HDAC8: variants seen among roughly 807,000 people sequenced by gnomAD.
HDAC8 encodes the protein histone deacetylase-like 1.
In HDAC8, 1 loss-of-function variant was observed where a neutral mutation model predicts 32.2. The ratio of observed to expected loss-of-function variants is 0.03; its 90% CI spans 0.01 to 0.15. The LOEUF (loss-of-function observed/expected upper bound fraction) is 0.15. HDAC8 is among the 10% of genes least tolerant of loss of function. The pLI is 1.00. For synonymous variants in HDAC8, 108 were observed against 113.9 expected (o/e 0.95, Z 0.33); for missense variants, 117 against 300.0 (o/e 0.39, Z 4.51).
At chrX:72,519,603 T>G (rs1260949478) in intron 4 of HDAC8, among the ~76,000 whole-genome samples, 1 of 111,847 alleles carries the variant, frequency 8.9e-6, no homozygotes, top group Admixed American at 9.5e-5. Flanking sequence ...AAATTTTCTT[T>G]TTTTGAGATA....
chrX:72,488,833 T>C, intron 7 of HDAC8, 100 bp downstream of exon 7: 3 of 484,175 alleles, frequency 6.2e-6, no homozygotes, highest in Non-Finnish European at 1.0e-5. Context: ...TATATAGATG[T>C]TTTCTTTTTT....
chrX:72,516,967 G>A (rs1161130448), intron 4 of HDAC8, among the ~76,000 whole-genome samples: 3 of 111,939 alleles, frequency 2.7e-5, no homozygotes, highest in Admixed American at 9.5e-5. Flanking sequence ...GGATAATGGC[G>A]TGCATTTGCA....
At chrX:72,529,866 G>A (rs1272026853) in intron 4 of HDAC8, among the ~76,000 whole-genome samples, 3 of 111,200 alleles carry the variant, frequency 2.7e-5, no homozygotes, top group African/African-American at 9.8e-5. Context: ...CCCCCTTGCT[G>A]TTCCCATGAT....
At chrX:72,521,956 C>T (rs981043449) in intron 4 of HDAC8, among the ~76,000 whole-genome samples, 2 of 111,517 alleles carry the variant, frequency 1.8e-5, no homozygotes, top group Non-Finnish European at 3.8e-5. Context: ...TGGCTTGCCA[C>T]GGCCTTCCCA....
At chrX:72,339,662 C>T (rs2043837143) in intron 10 of HDAC8, among the ~76,000 whole-genome samples, 1 of 111,853 alleles carries the variant, frequency 8.9e-6, no homozygotes. Context: ...ATCTGAGAGG[C>T]CATGGGGAGC....
chrX:72,402,638 G>C (rs1555967754), intron 9 of HDAC8, among the ~76,000 whole-genome samples: 5 of 110,569 alleles, frequency 4.5e-5, no homozygotes, highest in Non-Finnish European at 9.5e-5. Context: ...TTTATTTTCT[G>C]CATATTTGTG....
chrX:72,481,784 A>G (rs1260209140), intron 7 of HDAC8, among the ~76,000 whole-genome samples: 1 of 108,766 alleles, frequency 9.2e-6, no homozygotes, highest in Non-Finnish European at 1.9e-5. Flanking sequence ...TAATTTTTGT[A>G]CTTTTAGTAG....
In HDAC8 at chrX:72,329,969, A is replaced by AATTCC; in HGVS notation, c.*80_*84dup. ...CTTTCAAATTTTCCCTGCAGTCACA[A>AATTCC]ATTCCACAAACTGCTTGCATAAACA... On this transcript the variant is annotated 3_prime_UTR_variant, in exon 11 of 11. Transcript: ENST00000373573. 1 of 987,838 alleles carries AATTCC rather than the reference A, an allele frequency of 1.0e-6. No homozygotes were observed. Among genetic ancestry groups the AATTCC allele is most frequent in the East Asian group, 3.1e-5 (1 of 32,625 alleles). 81.4% of individuals were successfully genotyped at this position (987,838 alleles called of 1,213,427 possible). A position where few individuals can be genotyped will look rare whatever the true frequency, so the allele number is the denominator to read the frequency against.
chrX:72,409,759 T>A lies in HDAC8; in HGVS notation c.1005+52245A>T, dbSNP rs782289033. Among the ~76,000 whole-genome samples, 5 of 112,153 alleles carry A rather than the reference T, an allele frequency of 4.5e-5. No homozygotes were observed. The South Asian group carries it at 1.9e-3, about 42-fold the overall frequency. On this transcript the variant is annotated intron_variant, in intron 9 of 10. Transcript: ENST00000373573. The stretch of plus-strand genomic sequence containing the variant: ...CTTTCTATGTGTACCTCCAGCATTC[T>A]GTAAGTGTACAGTCCCTGTAACACT...
At chrX:72,453,464 T>TAAAGAAAGAAAGAAAG (rs61443640) in intron 9 of HDAC8, among the ~76,000 whole-genome samples, 3,683 of 67,199 alleles carry the variant, frequency 0.055, 190 homozygotes, top group African/African-American at 0.064. Flanking sequence ...CTCTTAAAAA[T>TAAAGAAAGAAAGAAAG]AAAGAAAGAA....
intron 4 of HDAC8, among the ~76,000 whole-genome samples, chrX:72,532,738 T>A (rs782788028): frequency 9.0e-6 from 1 of 111,201 alleles, no homozygotes; most frequent in South Asian, 3.8e-4. Flanking sequence ...TATTGTTAAG[T>A]TGCAAGAGTT....
rs782106220 is a variant in HDAC8, at chrX:72,434,719, T to C, written c.1005+27285A>G. ...TCCCTGGCTGTGATATTTTTACCAA[T>C]ATTTATTAACAATTAACAATAATAT... On this transcript the variant is annotated intron_variant, in intron 9 of 10. Coordinates refer to ENST00000373573, the MANE Select transcript of HDAC8 (RefSeq NM_018486.3). Among the ~76,000 whole-genome samples, 3 of 111,950 alleles carry C rather than the reference T, an allele frequency of 2.7e-5. No individual in the cohort carries two copies. In the South Asian group the frequency reaches 1.1e-3, roughly 42 times the overall value.
intron 10 of HDAC8, among the ~76,000 whole-genome samples, chrX:72,342,839 T>G (rs916693422): frequency 1.6e-4 from 18 of 111,631 alleles, no homozygotes; most frequent in African/African-American, 5.2e-4. Context: ...TGTGACTTTG[T>G]ACAGGCTAAT....
chrX:72,351,691 T>C (rs1555948906), intron 10 of HDAC8, 42 bp downstream of exon 10: 3 of 991,819 alleles, frequency 3.0e-6, no homozygotes, highest in Non-Finnish European at 4.3e-6. Context: ...CACCACAAAC[T>C]GGGTGGAACA....
intron 10 of HDAC8, among the ~76,000 whole-genome samples, chrX:72,338,128 T>G (rs184530028): frequency 3.6e-5 from 4 of 111,461 alleles, no homozygotes; most frequent in Non-Finnish European, 7.5e-5. Context: ...AGAAAACATC[T>G]TGTGTGTTTG....
rs1232530310 is a variant in HDAC8, at chrX:72,446,253, A to C, written c.1005+15751T>G. Among the ~76,000 whole-genome samples the C allele has an allele frequency of 7.1e-5, 8 of 112,422 alleles. No homozygotes were observed. The South Asian group carries it at 1.1e-3, about 16-fold the overall frequency. ...ACGCACACGTATGTTTATTGTGGCAATATTCACAATAGCAAAGGCTTGGAA... is the reference window on the plus strand; with the variant it reads ...ACGCACACGTATGTTTATTGTGGCACTATTCACAATAGCAAAGGCTTGGAA... On this transcript the variant is annotated intron_variant, in intron 9 of 10. Coordinates refer to ENST00000373573, the MANE Select transcript of HDAC8 (RefSeq NM_018486.3).
chrX:72,532,639 A>G (rs1245670407), intron 4 of HDAC8, among the ~76,000 whole-genome samples: 1 of 110,200 alleles, frequency 9.1e-6, no homozygotes, highest in Non-Finnish European at 1.9e-5. Flanking sequence ...GAACATCTTT[A>G]ATGCTCTTAT....
chrX:72,436,592 C>G (rs1219918215), intron 9 of HDAC8, among the ~76,000 whole-genome samples: 1 of 106,214 alleles, frequency 9.4e-6, no homozygotes, highest in Non-Finnish European at 1.9e-5. Context: ...GTTCTCTAAA[C>G]AGAAAGGAAA....
At chrX:72,375,856 A>C (rs190365158) in intron 9 of HDAC8, among the ~76,000 whole-genome samples, 28 of 112,086 alleles carry the variant, frequency 2.5e-4, no homozygotes, top group African/African-American at 8.4e-4. Context: ...TATTGGTATC[A>C]ATCAGTAGAA....
Sources: gnomAD v4.1 joint callset for allele counts (sites outside exome capture counted in the v4.1 genomes callset) on GRCh38, gnomAD v4.1.1 for gene constraint, MANE v1.5 for transcripts, NCBI Gene and HGNC (gene_info 2026-07-23, HGNC 2026-07-21) for gene names.